The following ARSG variants were observed in gnomAD, a reference collection of about 807,000 sequenced individuals.
The protein encoded by ARSG is ASG.
In ARSG, 37 loss-of-function variants were observed where a neutral mutation model predicts 50.5. The observed-to-expected ratio is 0.73, with a 90% CI of 0.56 to 0.96. The LOEUF (loss-of-function observed/expected upper bound fraction) is 0.96. ARSG is among the 50% of genes least tolerant of loss of function. The probability of loss-of-function intolerance (pLI) is 0.00; values close to 1 mark genes in which losing one functional copy is unlikely to be tolerated. For synonymous variants in ARSG, 225 were observed against 254.6 expected (o/e 0.88, Z 1.11); for missense variants, 629 against 675.3 (o/e 0.93, Z 0.76).
downstream of ARSG, chr17:68,427,406 G>T (rs765141620): frequency 5.4e-5 from 30 of 551,970 alleles, no homozygotes; most frequent in Non-Finnish European, 8.8e-5. Context: ...GCCCAGGCTG[G>T]AGTGCAGTGG....
chr17:68,309,865 A>G (rs1555766047), intron 2 of ARSG, among the ~76,000 whole-genome samples: 2 of 152,014 alleles, frequency 1.3e-5, no homozygotes, highest in Admixed American at 6.5e-5. Context: ...GTCTAAAAAA[A>G]AATAAATAAA....
chr17:68,312,142 T>C (rs903874048), intron 2 of ARSG, among the ~76,000 whole-genome samples: 2 of 152,104 alleles, frequency 1.3e-5, no homozygotes, highest in African/African-American at 4.8e-5. Flanking sequence ...TAATTTGTTA[T>C]GGCAGCCACA....
chr17:68,362,738 G>A (rs935605258), intron 6 of ARSG, among the ~76,000 whole-genome samples: 13 of 152,064 alleles, frequency 8.5e-5, no homozygotes, highest in South Asian at 2.1e-4. Flanking sequence ...AAACAGTTTC[G>A]GAGTTTGGAG....
intron 1 of ARSG, among the ~76,000 whole-genome samples, chr17:68,301,162 TC>T (rs1218526160): frequency 6.6e-6 from 1 of 151,840 alleles, no homozygotes; most frequent in Non-Finnish European, 1.5e-5. Flanking sequence ...GAAATTGCTC[TC>T]CCAGGCTGGA....
At chr17:68,396,253 G>C (rs1337779604) in intron 10 of ARSG, among the ~76,000 whole-genome samples, 3 of 152,162 alleles carry the variant, frequency 2.0e-5, no homozygotes, top group Non-Finnish European at 4.4e-5. Context: ...CTGACCTCAA[G>C]TGATCAGCCC....
chr17:68,303,867 G>T (rs1241606197), intron 1 of ARSG, among the ~76,000 whole-genome samples: 2 of 152,182 alleles, frequency 1.3e-5, no homozygotes, highest in Admixed American at 1.3e-4. Flanking sequence ...TAACAAAAAT[G>T]GGGAAAGGAT....
chr17:68,428,828 C>T, the ARSG span: 1 of 1,611,142 alleles, frequency 6.2e-7, no homozygotes, highest in Non-Finnish European at 8.5e-7. Context: ...AGTCTCTTCA[C>T]CTGTGGGTTT....
rs76758608 is a variant in ARSG, at chr17:68,388,253, C to T, written c.1091+3081C>T. On this transcript the variant is annotated intron_variant, in intron 9 of 11. Coordinates refer to ENST00000621439, the MANE Select transcript of ARSG (RefSeq NM_001267727.2). ...AAACTGTGCTGCAGGCTTTCCCAAC[C>T]GTGGCGTGGTCGGCATTTTGGGCTG... Among the ~76,000 whole-genome samples, 188 of 152,236 alleles carry T rather than the reference C, an allele frequency of 1.2e-3. 1 individual carries two copies. Among genetic ancestry groups the T allele is most frequent in the Admixed American group, 8.2e-3 (125 of 15,292 alleles).
At chr17:68,294,414 C>T (rs1181120760) in intron 1 of ARSG, among the ~76,000 whole-genome samples, 3 of 152,198 alleles carry the variant, frequency 2.0e-5, no homozygotes, top group African/African-American at 7.2e-5. Context: ...AGATATGACC[C>T]TGGCTTGCAA....
At chr17:68,419,526 A>C (rs571015574) in intron 11 of ARSG, among the ~76,000 whole-genome samples, 40 of 152,278 alleles carry the variant, frequency 2.6e-4, no homozygotes, top group African/African-American at 9.6e-4. Flanking sequence ...CAGTGAGCTG[A>C]AGATTGTGCC....
intron 2 of ARSG, among the ~76,000 whole-genome samples, chr17:68,340,148 G>A (rs183555262): frequency 2.2e-4 from 33 of 152,264 alleles, no homozygotes; most frequent in African/African-American, 6.0e-4. Flanking sequence ...CAAGATGAAT[G>A]TTTAATTACG....
At chr17:68,385,197 A>T in intron 9 of ARSG, 25 bp downstream of exon 9, 1 of 1,603,422 alleles carries the variant, frequency 6.2e-7, no homozygotes, top group Non-Finnish European at 8.5e-7. Flanking sequence ...CTACCTTGAG[A>T]TGTTGGGGCC....
chr17:68,320,302 AAGAT>A (rs1376535769), intron 2 of ARSG, among the ~76,000 whole-genome samples: 1 of 152,142 alleles, frequency 6.6e-6, no homozygotes, highest in Non-Finnish European at 1.5e-5. Context: ...AAAAAAAAAA[AAGAT>A]AGTGCCGTGG....
At chr17:68,280,254 A>G (rs1200339530) in intron 1 of ARSG, among the ~76,000 whole-genome samples, 1 of 152,054 alleles carries the variant, frequency 6.6e-6, no homozygotes, top group Non-Finnish European at 1.5e-5. Flanking sequence ...CTATCAAAAT[A>G]CCAATGACAT....
intron 1 of ARSG, among the ~76,000 whole-genome samples, chr17:68,279,220 A>T (rs1452176514): frequency 6.6e-6 from 1 of 152,120 alleles, no homozygotes; most frequent in Non-Finnish European, 1.5e-5. Context: ...GCTGAAAAGC[A>T]AACATTGGCG....
At chr17:68,278,840 A>T (rs1357883077) in intron 1 of ARSG, among the ~76,000 whole-genome samples, 1 of 151,860 alleles carries the variant, frequency 6.6e-6, no homozygotes, top group African/African-American at 2.4e-5. Flanking sequence ...GGCTGGGCTC[A>T]AACTCCTGAC....
intron 9 of ARSG, among the ~76,000 whole-genome samples, chr17:68,392,845 G>A (rs758664756): frequency 1.3e-5 from 2 of 152,184 alleles, no homozygotes; most frequent in Non-Finnish European, 2.9e-5. Context: ...AATAAAGCCG[G>A]TGGAATGTTC....
In ARSG at chr17:68,277,212, A is replaced by T. The variant is rs895953291; in HGVS notation, c.-552+17786A>T. 9.9e-5 allele frequency among the ~76,000 whole-genome samples: 15 copies of T among 151,356 alleles called. No homozygotes were observed. In the East Asian group the frequency reaches 2.7e-3, roughly 28 times the overall value. Reference sequence around the variant, plus strand: ...AATGGCATGATCTGGGCTTACTGCAACCTCCACCTCCCAGGTTCACACGAT... The same window carrying T: ...AATGGCATGATCTGGGCTTACTGCATCCTCCACCTCCCAGGTTCACACGAT... On this transcript the variant is annotated intron_variant, in intron 1 of 11. Transcript: ENST00000448504.
chr17:68,360,099 G>A (rs2079212135), intron 6 of ARSG, among the ~76,000 whole-genome samples: 1 of 152,188 alleles, frequency 6.6e-6, no homozygotes, highest in Non-Finnish European at 1.5e-5. Context: ...TGGGCATAGG[G>A]CCTGGACATC....
Sources: gnomAD v4.1 joint callset for allele counts (sites outside exome capture counted in the v4.1 genomes callset) on GRCh38, gnomAD v4.1.1 for gene constraint, MANE v1.5 for transcripts, NCBI Gene and HGNC (gene_info 2026-07-23, HGNC 2026-07-21) for gene names.